Variants in STARD13 observed in about 807,000 individuals in gnomAD.
STARD13 encodes the protein stAR-related lipid transfer protein 13.
A neutral mutation model predicts 106.4 loss-of-function variants in STARD13; 62 were observed. The observed-to-expected ratio is 0.58, with a 90% CI of 0.48 to 0.72. STARD13 has a LOEUF of 0.72. Among genes scored for constraint, STARD13 ranks in the 30% least tolerant of loss-of-function variants. STARD13 has a pLI of 0.00. For missense variants in STARD13, 1,387 were observed against 1,424.0 expected (o/e 0.97, Z 0.42); for synonymous variants, 565 against 553.0 (o/e 1.02, Z -0.31).
At chr13:33,372,519 C>T in the STARD13 span, among the ~76,000 whole-genome samples, 1 of 151,200 alleles carries the variant, frequency 6.6e-6, no homozygotes, top group African/African-American at 2.4e-5. Flanking sequence ...CTTGTCTGAC[C>T]TTTCATTGGA....
the STARD13 span, among the ~76,000 whole-genome samples, chr13:33,535,273 G>A: frequency 2.4e-4 from 36 of 152,034 alleles, no homozygotes; most frequent in African/African-American, 7.5e-4. Context: ...ATCTGAATAC[G>A]ACTGGCCAAA....
At chr13:33,523,908 T>G in the STARD13 span, among the ~76,000 whole-genome samples, 1 of 152,136 alleles carries the variant, frequency 6.6e-6, no homozygotes, top group African/African-American at 2.4e-5. Context: ...CAAGGAGATT[T>G]GCATTTGCAG....
chr13:33,252,354 C>T (rs1890132100), intron 1 of STARD13, among the ~76,000 whole-genome samples: 1 of 152,200 alleles, frequency 6.6e-6, no homozygotes, highest in African/African-American at 2.4e-5. Flanking sequence ...TAACAGAGTG[C>T]TAGATGTTCC....
chr13:33,527,002 T>A, the STARD13 span, among the ~76,000 whole-genome samples: 1 of 152,152 alleles, frequency 6.6e-6, no homozygotes, highest in South Asian at 2.1e-4. Context: ...AGAAGAGAAC[T>A]GTTTTGTTCT....
the STARD13 span, among the ~76,000 whole-genome samples, chr13:33,573,388 C>G: frequency 5.7e-3 from 864 of 152,220 alleles, 10 homozygotes; most frequent in African/African-American, 0.02. Flanking sequence ...GAGGCCCATG[C>G]ACCATTGTAT....
the STARD13 span, among the ~76,000 whole-genome samples, chr13:33,631,596 C>A: frequency 6.6e-6 from 1 of 152,008 alleles, no homozygotes; most frequent in African/African-American, 2.4e-5. Context: ...CTCAACAGTG[C>A]GAAACTAGGG....
the STARD13 span, among the ~76,000 whole-genome samples, chr13:33,601,888 G>C: frequency 0.011 from 1,733 of 152,178 alleles, 26 homozygotes; most frequent in African/African-American, 0.039. Flanking sequence ...AGGATGCTGC[G>C]ATCTCTAGTT....
the STARD13 span, among the ~76,000 whole-genome samples, chr13:33,437,164 C>T: frequency 3.3e-5 from 5 of 152,312 alleles, no homozygotes; most frequent in African/African-American, 7.2e-5. Flanking sequence ...CTAACCTAAT[C>T]GGTTATGTTA....
chr13:33,562,238 C>T, the STARD13 span, among the ~76,000 whole-genome samples: 1 of 147,014 alleles, frequency 6.8e-6, no homozygotes, highest in Non-Finnish European at 1.5e-5. Flanking sequence ...TTTAAAAAAA[C>T]TAGAAAAGTT....
At chr13:33,285,880 G>C (rs904998054), upstream of STARD13, 25 of 786,964 alleles carry the variant, frequency 3.2e-5, no homozygotes, top group Non-Finnish European at 3.5e-5. Flanking sequence ...CCTAAGCCCC[G>C]ACCAGAGGCA....
At chr13:33,187,825 G>A (rs969790255) in intron 1 of STARD13, among the ~76,000 whole-genome samples, 2 of 152,114 alleles carry the variant, frequency 1.3e-5, no homozygotes, top group African/African-American at 4.8e-5. Context: ...TGGGATTACA[G>A]ACCTGTGCCA....
At chr13:33,486,262 C>T in the STARD13 span, among the ~76,000 whole-genome samples, 1 of 151,988 alleles carries the variant, frequency 6.6e-6, no homozygotes, top group Non-Finnish European at 1.5e-5. Flanking sequence ...AAAGTGGGAC[C>T]GAGAAGAGGG....
chr13:33,315,463 A>C (rs2138512673), intron 1 of STARD13, among the ~76,000 whole-genome samples: 1 of 152,296 alleles, frequency 6.6e-6, no homozygotes, highest in South Asian at 2.1e-4. Context: ...AACTTTCTTT[A>C]GGGACATTTG....
chr13:33,650,284 G>A, the STARD13 span, among the ~76,000 whole-genome samples: 21 of 135,100 alleles, frequency 1.6e-4, 1 homozygote, highest in African/African-American at 5.2e-4. Context: ...TCCGCCTCCC[G>A]GGTTCACGCC....
At chr13:33,404,530 T>C in the STARD13 span, among the ~76,000 whole-genome samples, 1 of 151,980 alleles carries the variant, frequency 6.6e-6, no homozygotes, top group Non-Finnish European at 1.5e-5. Flanking sequence ...TTCCAGAGAG[T>C]GAATCTAAGA....
the STARD13 span, among the ~76,000 whole-genome samples, chr13:33,488,409 AT>A: frequency 1.5e-4 from 23 of 152,242 alleles, no homozygotes; most frequent in African/African-American, 5.5e-4. Flanking sequence ...TTTGATTTGT[AT>A]TTCTGTGTCA....
At chr13:33,243,370 C>T (rs936162109) in intron 1 of STARD13, among the ~76,000 whole-genome samples, 2 of 152,128 alleles carry the variant, frequency 1.3e-5, no homozygotes, top group South Asian at 2.1e-4. Flanking sequence ...GGCACAGATT[C>T]CTGCCAGTGT....
At chr13:33,465,836 A>G in the STARD13 span, among the ~76,000 whole-genome samples, 2 of 152,216 alleles carry the variant, frequency 1.3e-5, no homozygotes, top group African/African-American at 4.8e-5. Flanking sequence ...TTAACGAGAT[A>G]CATGCACTGG....
chr13:33,579,924 C>T, the STARD13 span, among the ~76,000 whole-genome samples: 3 of 151,972 alleles, frequency 2.0e-5, no homozygotes, highest in South Asian at 2.1e-4. Context: ...CTGAATGTGA[C>T]GATGTAGAGT....
Sources: allele counts gnomAD v4.1 joint callset (sites outside exome capture counted in the v4.1 genomes callset), GRCh38; gene constraint gnomAD v4.1.1; transcripts MANE v1.5; gene names NCBI Gene and HGNC (gene_info 2026-07-23, HGNC 2026-07-21).